The following TDRD3 variants were observed in gnomAD, a reference collection of about 807,000 sequenced individuals.
TDRD3 encodes the protein tudor domain containing 3.
TDRD3 carries 45 observed loss-of-function variants against 86.7 expected under a neutral mutation model. The observed-to-expected ratio is 0.52, with a 90% CI of 0.41 to 0.67. The LOEUF is 0.67. TDRD3 is among the 30% of genes least tolerant of loss of function. The probability of loss-of-function intolerance (pLI) is 0.00; values close to 1 mark genes in which losing one functional copy is unlikely to be tolerated. For missense variants in TDRD3, 814 were observed against 889.0 expected (o/e 0.92, Z 1.07); for synonymous variants, 298 against 301.7 (o/e 0.99, Z 0.13).
chr13:60,481,472 G>A (rs1458074006), intron 5 of TDRD3, among the ~76,000 whole-genome samples: 1 of 150,768 alleles, frequency 6.6e-6, no homozygotes, highest in Non-Finnish European at 1.5e-5. Context: ...CCTCTTTTTG[G>A]TAGATTCTAT....
intron 1 of TDRD3, among the ~76,000 whole-genome samples, chr13:60,400,139 G>A (rs1244944756): frequency 1.3e-5 from 2 of 152,026 alleles, no homozygotes; most frequent in African/African-American, 2.4e-5. Context: ...GCACTAAATG[G>A]TACCTTGTAA....
At chr13:60,464,944 C>G (rs541547016) in intron 4 of TDRD3, among the ~76,000 whole-genome samples, 57 of 152,196 alleles carry the variant, frequency 3.7e-4, no homozygotes, top group African/African-American at 1.3e-3. Context: ...AGAGTAGATT[C>G]ATAATGTTCT....
chr13:60,424,320 C>T (rs567677524), intron 1 of TDRD3, among the ~76,000 whole-genome samples: 1 of 149,272 alleles, frequency 6.7e-6, no homozygotes, highest in South Asian at 2.1e-4. Context: ...CGCCCCCAGA[C>T]AGTGGTTTTT....
chr13:60,470,438 T>C (rs1280049514), intron 5 of TDRD3, among the ~76,000 whole-genome samples: 1 of 152,162 alleles, frequency 6.6e-6, no homozygotes, highest in Non-Finnish European at 1.5e-5. Flanking sequence ...TTTTGAAGAA[T>C]TGCCATACTG....
chr13:60,490,274 C>T (rs1241892557), intron 7 of TDRD3, among the ~76,000 whole-genome samples: 1 of 151,984 alleles, frequency 6.6e-6, no homozygotes, highest in Non-Finnish European at 1.5e-5. Context: ...TCTGTTTAGT[C>T]CTCAAGATAG....
rs879610026 is a variant in TDRD3 at position 60,444,689 on chromosome 13, C to G, written c.133C>G (p.Leu45Val). The G allele has an allele frequency of 1.4e-6, 2 of 1,457,906 alleles. No individual in the cohort carries two copies. The highest frequency in any genetic ancestry group is 1.8e-6 in the Non-Finnish European group (2 of 1,084,786). The allele number at this position is 1,457,906 out of a possible 1,614,324, so 90.3% of individuals were successfully genotyped here. A position where few individuals can be genotyped will look rare whatever the true frequency, so the allele number is the denominator to read the frequency against. ...AATAATATTTTTATTTTAGACAGAT[C>G]TGAGAACAATTGGCAAGAAATTCCT... is the stretch of plus-strand genomic sequence containing the variant. ...DIILIALNTD[L>V]RTIGKKFLPS... The change falls in exon 3 of 14, where the codon CTG (leucine) becomes GTG (valine). Residue 45 changes from leucine to valine, a missense_variant. Transcript: ENST00000377881.
chr13:60,395,725 T>C (rs1464738343), upstream of TDRD3, among the ~76,000 whole-genome samples: 2 of 152,202 alleles, frequency 1.3e-5, no homozygotes, highest in East Asian at 3.8e-4. Flanking sequence ...CAATAAAAAT[T>C]ATTGGCAATT....
intron 2 of TDRD3, among the ~76,000 whole-genome samples, chr13:60,443,205 T>G (rs1237431310): frequency 6.6e-6 from 1 of 152,052 alleles, no homozygotes; most frequent in Non-Finnish European, 1.5e-5. Flanking sequence ...ACTGAGTGCT[T>G]CACATCTATT....
chr13:60,467,770 C>T (rs1955980087), intron 5 of TDRD3, among the ~76,000 whole-genome samples: 1 of 152,176 alleles, frequency 6.6e-6, no homozygotes, highest in Admixed American at 6.5e-5. Context: ...TAGAATTTCA[C>T]TGTAATGGAG....
At chr13:60,565,039 A>ATATTTTT (rs1566310089) in intron 12 of TDRD3, among the ~76,000 whole-genome samples, 1 of 104,286 alleles carries the variant, frequency 9.6e-6, no homozygotes, top group African/African-American at 4.7e-5. Context: ...AACTATCAGT[A>ATATTTTT]TCTTTTTTTT....
At chr13:60,549,642 A>G (rs981565332) in intron 12 of TDRD3, among the ~76,000 whole-genome samples, 5 of 152,122 alleles carry the variant, frequency 3.3e-5, no homozygotes, top group African/African-American at 1.2e-4. Flanking sequence ...AAAAGTTGTG[A>G]TATTTACTAA....
chr13:60,420,104 C>T (rs926848625), intron 1 of TDRD3, among the ~76,000 whole-genome samples: 3 of 151,884 alleles, frequency 2.0e-5, no homozygotes, highest in African/African-American at 7.2e-5. Context: ...ATATCATTTA[C>T]ATCAAGTTAA....
intron 1 of TDRD3, among the ~76,000 whole-genome samples, chr13:60,416,284 G>A (rs1954512493): frequency 6.8e-6 from 1 of 146,768 alleles, no homozygotes; most frequent in African/African-American, 2.5e-5. Flanking sequence ...TTTCTAATGA[G>A]ATTTTTTTTT....
intron 12 of TDRD3, chr13:60,536,236 A>G (rs1957695217): frequency 6.6e-6 from 1 of 152,070 alleles, no homozygotes; most frequent in South Asian, 2.1e-4. Context: ...GTTTTGGGCC[A>G]TGGATCTTTA....
intron 2 of TDRD3, among the ~76,000 whole-genome samples, chr13:60,440,568 C>G (rs1004743530): frequency 7.2e-5 from 11 of 152,144 alleles, no homozygotes; most frequent in South Asian, 4.1e-4. Flanking sequence ...GTAGTTCCAG[C>G]TACTCGGGAG....
At chr13:60,506,876 G>T (rs1282233590) in intron 8 of TDRD3, among the ~76,000 whole-genome samples, 1 of 152,094 alleles carries the variant, frequency 6.6e-6, no homozygotes, top group African/African-American at 2.4e-5. Flanking sequence ...AATGTAAATG[G>T]GCTAAATGTC....
intron 1 of TDRD3, among the ~76,000 whole-genome samples, chr13:60,411,268 A>C (rs1335992286): frequency 6.6e-6 from 1 of 152,224 alleles, no homozygotes; most frequent in Non-Finnish European, 1.5e-5. Context: ...ATTCATGAAG[A>C]AAAGAGTGCA....
intron 1 of TDRD3, among the ~76,000 whole-genome samples, chr13:60,436,303 G>A (rs1566189805): frequency 6.6e-6 from 1 of 151,746 alleles, no homozygotes; most frequent in African/African-American, 2.4e-5. Context: ...ATTTGTTTTT[G>A]GGGTCTTAGT....
At chr13:60,472,966 C>G (rs1662921114) in intron 5 of TDRD3, among the ~76,000 whole-genome samples, 1 of 152,158 alleles carries the variant, frequency 6.6e-6, no homozygotes, top group East Asian at 1.9e-4. Flanking sequence ...ATTCTACTAT[C>G]TTGCTATTTC....
Sources: allele counts gnomAD v4.1 joint callset (sites outside exome capture counted in the v4.1 genomes callset), GRCh38; gene constraint gnomAD v4.1.1; transcripts MANE v1.5; gene names NCBI Gene and HGNC (gene_info 2026-07-23, HGNC 2026-07-21).